The following FAT3 variants were observed in gnomAD, a reference collection of about 807,000 sequenced individuals.
FAT3 encodes the protein protocadherin Fat 3.
FAT3 carries 95 observed loss-of-function variants against 310.2 expected under a neutral mutation model. That is an observed-to-expected ratio of 0.31 (90% CI 0.26 to 0.36). The LOEUF (loss-of-function observed/expected upper bound fraction) is 0.36, where lower values mean the gene tolerates loss of function less well. Ranked by LOEUF, FAT3 falls within the 10% of genes least tolerant of loss-of-function variation. FAT3 has a pLI of 1.00. For synonymous variants in FAT3, 2,314 were observed against 2,192.9 expected (o/e 1.06, Z -1.54); for missense variants, 5,408 against 5,715.6 (o/e 0.95, Z 1.74).
intron 3 of FAT3, among the ~76,000 whole-genome samples, chr11:92,628,896 GCACACACACA>G (rs1241022276): frequency 6.6e-6 from 1 of 151,882 alleles, no homozygotes; most frequent in Non-Finnish European, 1.5e-5. Flanking sequence ...GTGCACTCAT[GCACACACACA>G]CACTCACACA....
chr11:92,318,487 G>A (rs2134482802), intron 1 of FAT3, among the ~76,000 whole-genome samples: 1 of 152,274 alleles, frequency 6.6e-6, no homozygotes, highest in African/African-American at 2.4e-5. Flanking sequence ...TGTAAAGTAT[G>A]TATGGTTCTA....
At chr11:92,775,511 A>G (rs1946576240) in intron 7 of FAT3, among the ~76,000 whole-genome samples, 1 of 152,158 alleles carries the variant, frequency 6.6e-6, no homozygotes, top group African/African-American at 2.4e-5. Flanking sequence ...AGCCAGTGTG[A>G]GACAATTTCT....
chr11:92,269,373 G>C (rs1462682472), intron 1 of FAT3, among the ~76,000 whole-genome samples: 4 of 152,090 alleles, frequency 2.6e-5, no homozygotes, highest in African/African-American at 9.7e-5. Flanking sequence ...TAGTGGGTCA[G>C]GTAGACACTG....
chr11:92,841,068 C>T (rs553871172), intron 18 of FAT3, among the ~76,000 whole-genome samples: 58 of 152,278 alleles, frequency 3.8e-4, no homozygotes, highest in African/African-American at 1.3e-3. Context: ...TTGCCCATCA[C>T]ATTACCCCAC....
intron 2 of FAT3, among the ~76,000 whole-genome samples, chr11:92,414,009 C>A (rs558492456): frequency 6.6e-6 from 1 of 152,282 alleles, no homozygotes; most frequent in Admixed American, 6.5e-5. Context: ...CCCACTTTCT[C>A]TGTCTGTTTT....
chr11:92,313,678 G>A (rs916422039), intron 1 of FAT3, among the ~76,000 whole-genome samples: 4 of 152,154 alleles, frequency 2.6e-5, no homozygotes, highest in Non-Finnish European at 5.9e-5. Flanking sequence ...TCCTGCCTCA[G>A]CCTCCTGAGT....
intron 3 of FAT3, among the ~76,000 whole-genome samples, chr11:92,640,278 C>G (rs1941911630): frequency 6.6e-6 from 1 of 152,092 alleles, no homozygotes; most frequent in Non-Finnish European, 1.5e-5. Flanking sequence ...ACAGGAGCCT[C>G]TCACTCCTGC....
At chr11:92,362,604 C>T (rs1948911578) in intron 2 of FAT3, among the ~76,000 whole-genome samples, 1 of 152,174 alleles carries the variant, frequency 6.6e-6, no homozygotes, top group East Asian at 1.9e-4. Flanking sequence ...CTGTTACTAG[C>T]CCTAGATTAC....
intron 4 of FAT3, 27 bp from the exon 5 acceptor site, chr11:92,761,829 C>T (rs1224877586): frequency 6.3e-7 from 1 of 1,592,638 alleles, no homozygotes; most frequent in East Asian, 2.2e-5. Context: ...TTTCTCCTTT[C>T]TGATCACATC....
At chr11:92,325,317 A>G (rs1422063147) in intron 1 of FAT3, among the ~76,000 whole-genome samples, 1 of 152,198 alleles carries the variant, frequency 6.6e-6, no homozygotes, top group Non-Finnish European at 1.5e-5. Context: ...ATTTTTGCTG[A>G]GAAAGTGTAG....
intron 21 of FAT3, among the ~76,000 whole-genome samples, 189 bp from the exon 22 acceptor site, chr11:92,866,552 A>C (rs1171787937): frequency 6.6e-6 from 1 of 152,196 alleles, no homozygotes; most frequent in Non-Finnish European, 1.5e-5. Flanking sequence ...TAAGGCATGC[A>C]TTTTCATGGC....
At position 92,653,930 on chromosome 11, in the gene FAT3, A is replaced by G. The variant is rs1200503648; in HGVS notation, c.3608-43454A>G. Among the ~76,000 whole-genome samples, 7 of 152,180 alleles carry G rather than the reference A, an allele frequency of 4.6e-5. No individual in the cohort carries two copies. In the East Asian group the frequency reaches 1.3e-3, roughly 29 times the overall value. ...TGCCACTTCTCACAGCTCTCCATAA[A>G]TCCCATAGCAATACCAAAATATTTC... On this transcript the variant is annotated intron_variant, in intron 3 of 27. Transcript: ENST00000525166.
chr11:92,243,003 C>T (rs1565174738), intron 1 of FAT3, among the ~76,000 whole-genome samples: 1 of 151,642 alleles, frequency 6.6e-6, no homozygotes, highest in Non-Finnish European at 1.5e-5. Context: ...AAATCTTTCA[C>T]TTAAACTTTG....
At chr11:92,780,327 T>A (rs534461171) in intron 7 of FAT3, among the ~76,000 whole-genome samples, 3 of 152,130 alleles carry the variant, frequency 2.0e-5, no homozygotes, top group African/African-American at 4.8e-5. Context: ...CACACCCAGA[T>A]AATTTTTGTA....
At chr11:92,300,096 TGGG>T (rs540376195) in intron 1 of FAT3, among the ~76,000 whole-genome samples, 13 of 152,024 alleles carry the variant, frequency 8.6e-5, no homozygotes, top group Non-Finnish European at 1.9e-4. Flanking sequence ...TCCTAACAAT[TGGG>T]GGAATCATGA....
chr11:92,656,467 A>G (rs971728219), intron 3 of FAT3, among the ~76,000 whole-genome samples: 3 of 152,218 alleles, frequency 2.0e-5, no homozygotes, highest in African/African-American at 7.2e-5. Context: ...AAGTTTTTAT[A>G]ATTCAAGCCA....
intron 2 of FAT3, among the ~76,000 whole-genome samples, chr11:92,400,011 T>C (rs977445814): frequency 4.8e-4 from 73 of 152,280 alleles, no homozygotes; most frequent in African/African-American, 1.7e-3. Flanking sequence ...TATATTCTTA[T>C]TGAGGCACAG....
At chr11:92,675,253 G>T (rs2135838659) in intron 3 of FAT3, among the ~76,000 whole-genome samples, 1 of 152,328 alleles carries the variant, frequency 6.6e-6, no homozygotes, top group East Asian at 1.9e-4. Flanking sequence ...CATCTCATCT[G>T]TGCAATTGGA....
rs1342906656 is a variant in FAT3, at chr11:92,883,686, C to T, written c.12937+293C>T. The stretch of plus-strand genomic sequence containing the variant: ...TCTTCCAGGCTCCAAAACCCATCCT[C>T]TTCTCACAATAGCGGGCCACTGGTC... On this transcript the variant is annotated intron_variant, in intron 24 of 27. Coordinates refer to ENST00000525166, the MANE Select transcript of FAT3 (RefSeq NM_001367949.2). This position sits in a 1 kb window ranked among gnomAD's most constrained non-coding sequence, Gnocchi z 4.2. Among the ~76,000 whole-genome samples, 1 of 152,174 alleles carries T rather than the reference C, an allele frequency of 6.6e-6. No individual in the cohort carries two copies. Among genetic ancestry groups the T allele is most frequent in the Non-Finnish European group, 1.5e-5 (1 of 68,028 alleles).
Sources: gnomAD v4.1 joint callset for allele counts (sites outside exome capture counted in the v4.1 genomes callset) on GRCh38, gnomAD v4.1.1 for gene constraint, Gnocchi (gnomAD v3.1) non-coding constraint, MANE v1.5 for transcripts, NCBI Gene and HGNC (gene_info 2026-07-23, HGNC 2026-07-21) for gene names.